Variants in CDKAL1 observed in about 807,000 individuals in gnomAD.
CDKAL1 encodes threonylcarbamoyladenosine tRNA methylthiotransferase.
CDKAL1 carries 32 observed loss-of-function variants against 68.2 expected under a neutral mutation model. That is an observed-to-expected ratio of 0.47 (90% confidence interval 0.35 to 0.63). CDKAL1 has a LOEUF of 0.63. Ranked by LOEUF, CDKAL1 falls within the 30% of genes least tolerant of loss-of-function variation. The pLI, the probability that CDKAL1 is intolerant of heterozygous loss-of-function variation, is 0.00. For synonymous variants in CDKAL1, 234 were observed against 244.3 expected, an observed-to-expected ratio of 0.96 and a Z score of 0.39; for missense variants, 606 against 696.7, an observed-to-expected ratio of 0.87 and a Z score of 1.47.
chr6:20,765,001 A>G (rs1188680023), intron 7 of CDKAL1, among the ~76,000 whole-genome samples: 1 of 152,148 alleles, frequency 6.6e-6, no homozygotes, highest in Non-Finnish European at 1.5e-5. Context: ...TCTAGTGAGT[A>G]AAGGAGCCAG....
At chr6:20,625,564 A>AT (rs1767392024) in intron 4 of CDKAL1, among the ~76,000 whole-genome samples, 1 of 152,144 alleles carries the variant, frequency 6.6e-6, no homozygotes, top group East Asian at 1.9e-4. Context: ...TAGGTAGTAT[A>AT]TAAAAAGTCA....
intron 8 of CDKAL1, among the ~76,000 whole-genome samples, chr6:20,827,651 G>A (rs1022027744): frequency 6.6e-6 from 1 of 152,104 alleles, no homozygotes; most frequent in African/African-American, 2.4e-5. Flanking sequence ...TAAGTTATGT[G>A]GTTCTGCCTT....
chr6:20,540,374 G>T (rs1763343384), intron 2 of CDKAL1, among the ~76,000 whole-genome samples: 1 of 151,678 alleles, frequency 6.6e-6, no homozygotes, highest in South Asian at 2.1e-4. Context: ...CGCCCAGCCA[G>T]GATTGCCATT....
intron 8 of CDKAL1, among the ~76,000 whole-genome samples, chr6:20,805,413 G>C (rs1352364221): frequency 6.6e-6 from 1 of 152,182 alleles, no homozygotes; most frequent in Non-Finnish European, 1.5e-5. Flanking sequence ...TTCAGTGGAT[G>C]TATATCACTG....
chr6:21,095,763 A>G (rs1350047697), intron 12 of CDKAL1, among the ~76,000 whole-genome samples: 1 of 152,244 alleles, frequency 6.6e-6, no homozygotes, highest in Non-Finnish European at 1.5e-5. Flanking sequence ...AGAATGGAGA[A>G]GATTGAGCTG....
chr6:20,950,683 G>A lies in CDKAL1; in HGVS notation c.743-4736G>A, dbSNP rs529876860. On this transcript the variant is annotated intron_variant, in intron 9 of 15. Coordinates refer to ENST00000274695, the MANE Select transcript of CDKAL1 (RefSeq NM_017774.3). ...GAATGGAGAACAAAAGATGGGGAAG[G>A]GGCCAGACGCGGTGGCTCATGCCGG... Among the ~76,000 whole-genome samples, 18 of 152,220 alleles carry A rather than the reference G, an allele frequency of 1.2e-4. No individual in the cohort carries two copies. In the East Asian group the frequency reaches 3.5e-3, roughly 29 times the overall value.
At chr6:21,025,474 C>T (rs936457418) in intron 11 of CDKAL1, among the ~76,000 whole-genome samples, 6 of 152,044 alleles carry the variant, frequency 3.9e-5, no homozygotes, top group African/African-American at 1.4e-4. Flanking sequence ...GATGAATATT[C>T]CTATTTTTCT....
intron 4 of CDKAL1, among the ~76,000 whole-genome samples, chr6:20,567,429 CT>C (rs1764506226): frequency 6.6e-6 from 1 of 151,984 alleles, no homozygotes; most frequent in Non-Finnish European, 1.5e-5. Flanking sequence ...TAACTGGCAA[CT>C]TAATGAAATT....
At chr6:21,080,308 T>G (rs1312845500) in intron 12 of CDKAL1, among the ~76,000 whole-genome samples, 1 of 152,058 alleles carries the variant, frequency 6.6e-6, no homozygotes, top group Admixed American at 6.6e-5. Context: ...ATGACTAATC[T>G]GGAGTAAATG....
intron 11 of CDKAL1, among the ~76,000 whole-genome samples, chr6:21,045,327 A>G (rs1770163722): frequency 6.6e-6 from 1 of 152,150 alleles, no homozygotes. Context: ...TAATCCTCAG[A>G]TTCTTTTGCC....
chr6:20,771,239 A>G (rs1378883663), intron 7 of CDKAL1, among the ~76,000 whole-genome samples: 1 of 152,164 alleles, frequency 6.6e-6, no homozygotes, highest in Non-Finnish European at 1.5e-5. Flanking sequence ...TTTTAACTAC[A>G]TTTTTAAACT....
intron 13 of CDKAL1, among the ~76,000 whole-genome samples, chr6:21,123,110 C>T: frequency 6.6e-6 from 1 of 151,920 alleles, no homozygotes; most frequent in East Asian, 1.9e-4. Context: ...CACAGATAGC[C>T]CAGGTTTTCT....
chr6:20,577,277 C>G (rs1037810364), intron 4 of CDKAL1, among the ~76,000 whole-genome samples: 1 of 152,186 alleles, frequency 6.6e-6, no homozygotes, highest in African/African-American at 2.4e-5. Flanking sequence ...TATATATCAC[C>G]TACTCAGATT....
intron 9 of CDKAL1, among the ~76,000 whole-genome samples, chr6:20,923,663 A>G (rs1407272691): frequency 1.3e-5 from 2 of 152,040 alleles, no homozygotes; most frequent in Admixed American, 6.5e-5. Flanking sequence ...GAGGCCTACA[A>G]AGGCCTCTAA....
chr6:21,124,297 G>A (rs927371166), intron 13 of CDKAL1, among the ~76,000 whole-genome samples: 3 of 152,008 alleles, frequency 2.0e-5, no homozygotes, highest in Admixed American at 1.3e-4. Context: ...GGCTTCTCTG[G>A]CTTCCTCCTT....
At position 20,823,063 on chromosome 6, in the gene CDKAL1, C is replaced by T. The variant is rs189029557; in HGVS notation, c.639-23012C>T. On this transcript the variant is annotated intron_variant, in intron 8 of 15. Transcript: ENST00000274695. Reference sequence around the variant, plus strand: ...TCTAATAAGCACACGTACACATTCTCGTTTTCTCTCTCTCTCTGTCTCTCT... The same window carrying T: ...TCTAATAAGCACACGTACACATTCTTGTTTTCTCTCTCTCTCTGTCTCTCT... Among the ~76,000 whole-genome samples the T allele has an allele frequency of 2.7e-3, 405 of 152,260 alleles. 1 individual carries two copies. The highest frequency in any genetic ancestry group is 9.1e-3 in the African/African-American group (379 of 41,568).
intron 4 of CDKAL1, among the ~76,000 whole-genome samples, chr6:20,619,447 T>C (rs759454436): frequency 2.6e-5 from 4 of 152,226 alleles, no homozygotes; most frequent in Non-Finnish European, 5.9e-5. Flanking sequence ...CATTCTGCAA[T>C]GTATATAGGC....
intron 11 of CDKAL1, among the ~76,000 whole-genome samples, chr6:21,047,127 G>A (rs1385873529): frequency 6.6e-6 from 1 of 151,170 alleles, no homozygotes; most frequent in South Asian, 2.1e-4. Flanking sequence ...GTCTCACCAT[G>A]TTGCCCAGGT....
intron 13 of CDKAL1, among the ~76,000 whole-genome samples, chr6:21,183,906 C>T (rs748192578): frequency 6.6e-6 from 1 of 152,066 alleles, no homozygotes; most frequent in Non-Finnish European, 1.5e-5. Flanking sequence ...TCCTCTTGGC[C>T]GGGGGCATTC....
Sources: allele counts gnomAD v4.1 joint callset (sites outside exome capture counted in the v4.1 genomes callset), GRCh38; gene constraint gnomAD v4.1.1; transcripts MANE v1.5; gene names NCBI Gene and HGNC (gene_info 2026-07-23, HGNC 2026-07-21).